Variants in SHTN1 observed in about 807,000 individuals in gnomAD.
SHTN1 encodes the protein shootin 1, also known as shootin-1.
In SHTN1, 42 loss-of-function variants were observed where a neutral mutation model predicts 83.1. The observed-to-expected ratio is 0.51, with a 90% confidence interval of 0.39 to 0.65. The LOEUF (loss-of-function observed/expected upper bound fraction) is 0.65. Among genes scored for constraint, SHTN1 ranks in the 30% least tolerant of loss-of-function variants. The probability of loss-of-function intolerance (pLI) is 0.00; values close to 1 mark genes in which losing one functional copy is unlikely to be tolerated. For missense variants in SHTN1, 622 were observed against 737.8 expected, an observed-to-expected ratio of 0.84 and a Z score of 1.82; for synonymous variants, 224 against 247.7, an observed-to-expected ratio of 0.90 and a Z score of 0.90.
At chr10:116,946,457 G>A (rs1849582559) in intron 7 of SHTN1, among the ~76,000 whole-genome samples, 1 of 140,224 alleles carries the variant, frequency 7.1e-6, no homozygotes, top group African/African-American at 2.6e-5. Flanking sequence ...TTATGTATAT[G>A]TATATACATA....
At chr10:117,118,233 A>C (rs1758257143) in intron 1 of SHTN1, among the ~76,000 whole-genome samples, 1 of 152,112 alleles carries the variant, frequency 6.6e-6, no homozygotes, top group African/African-American at 2.4e-5. Context: ...CAATTAAAAA[A>C]GGGCAAAAGA....
At chr10:116,929,386 A>T (rs544064855) in intron 10 of SHTN1, among the ~76,000 whole-genome samples, 1 of 152,342 alleles carries the variant, frequency 6.6e-6, no homozygotes, top group East Asian at 1.9e-4. Flanking sequence ...TGTTAGGTAC[A>T]ATATAGAAAG....
At position 116,927,910 on chromosome 10, in the gene SHTN1, T is replaced by C; in HGVS notation, c.1013-19A>G. ...TCATCAACTGCACAGAGAGCAAACA[T>C]TCAGAAGAGAGCTGAAATAAGCAAC... On this transcript the variant is annotated intron_variant, in intron 10 of 16. Transcript: ENST00000355371. 2 of 1,611,804 alleles carry C rather than the reference T, an allele frequency of 1.2e-6. No individual in the cohort carries two copies. Among genetic ancestry groups the C allele is most frequent in the Non-Finnish European group, 8.5e-7 (1 of 1,178,980 alleles).
chr10:117,021,546 T>C (rs549370352), intron 2 of SHTN1, among the ~76,000 whole-genome samples: 1 of 152,358 alleles, frequency 6.6e-6, no homozygotes, highest in Non-Finnish European at 1.5e-5. Flanking sequence ...TATAAGTGTA[T>C]AATTCACTTT....
chr10:117,001,110 A>G (rs1466281738), intron 1 of SHTN1, among the ~76,000 whole-genome samples: 1 of 152,062 alleles, frequency 6.6e-6, no homozygotes, highest in Middle Eastern at 3.2e-3. Context: ...CGGAAATAGT[A>G]TCCAAAGTTG....
At chr10:117,004,957 C>A (rs1851959676) in intron 1 of SHTN1, 65 bp downstream of exon 1, 3 of 1,456,308 alleles carry the variant, frequency 2.1e-6, no homozygotes, top group Admixed American at 2.0e-5. Context: ...CTGGCCCCAG[C>A]GCCCTGGGGC....
rs1307164219 is a variant in SHTN1 at position 116,882,999 on chromosome 10, CAT to C, written c.*3343_*3344del. On this transcript the variant is annotated 3_prime_UTR_variant, in exon 17 of 17. Coordinates refer to ENST00000355371, the MANE Select transcript of SHTN1 (RefSeq NM_001127211.3). ...ACACACACACACACACACACACACA[CAT>C]CATGAGACTATGCCCTGGAACAGTG... 62 of 151,830 alleles carry C rather than the reference CAT, an allele frequency of 4.1e-4. 2 individuals carry two copies. Among genetic ancestry groups the C allele is most frequent in the Admixed American group, 2.4e-3 (37 of 15,270 alleles). 9.4% of individuals were successfully genotyped at this position (151,830 alleles called of 1,614,324 possible).
chr10:117,011,049 CAG>C (rs1446382869), intron 2 of SHTN1, among the ~76,000 whole-genome samples: 7 of 152,122 alleles, frequency 4.6e-5, no homozygotes, highest in Admixed American at 4.6e-4. Context: ...TGCTATTCAA[CAG>C]TGTGCTGCAA....
chr10:117,085,252 C>G (rs1853333758), intron 1 of SHTN1, among the ~76,000 whole-genome samples: 1 of 152,138 alleles, frequency 6.6e-6, no homozygotes, highest in South Asian at 2.1e-4. Flanking sequence ...TTTGGACCTT[C>G]CTTCTTTTCT....
intron 7 of SHTN1, 49 bp downstream of exon 7, chr10:116,948,867 C>G: frequency 7.6e-7 from 1 of 1,307,708 alleles, no homozygotes; most frequent in Non-Finnish European, 1.0e-6. Context: ...TATATGCAAA[C>G]AGAACACACC....
chr10:116,991,412 T>C (rs1851431093), intron 1 of SHTN1, among the ~76,000 whole-genome samples: 2 of 152,154 alleles, frequency 1.3e-5, no homozygotes, highest in South Asian at 4.1e-4. Context: ...CACCAGCATC[T>C]GTTTGTGTTG....
At chr10:117,114,486 C>T (rs1248261384) in intron 1 of SHTN1, among the ~76,000 whole-genome samples, 1 of 152,092 alleles carries the variant, frequency 6.6e-6, no homozygotes, top group African/African-American at 2.4e-5. Context: ...ATATTAAAGC[C>T]ACTCCTGGAT....
intron 1 of SHTN1, among the ~76,000 whole-genome samples, chr10:117,097,028 T>TACACACACAC (rs1472242175): frequency 2.0e-5 from 2 of 98,466 alleles, no homozygotes; most frequent in South Asian, 3.8e-4. Context: ...CACACACACA[T>TACACACACAC]AGACACACAC....
At chr10:117,079,470 T>TA (rs1235950745) in intron 1 of SHTN1, among the ~76,000 whole-genome samples, 1 of 96,994 alleles carries the variant, frequency 1.0e-5, no homozygotes, top group Non-Finnish European at 2.0e-5. Context: ...AAGTCTTTGC[T>TA]ATTGTGAATA....
In SHTN1 at chr10:117,089,364, T is replaced by A. The variant is rs929612683; in HGVS notation, c.-189+36943A>T. On this transcript the variant is annotated intron_variant, in intron 1 of 17. Transcript: ENST00000392901. ...AGTCTAGAAGTGGGGAAAGGCAGGA[T>A]AATACTTCAGGAACTTTGTACTCTC... Among the ~76,000 whole-genome samples the A allele has an allele frequency of 5.3e-5, 8 of 152,150 alleles. No individual in the cohort carries two copies. The East Asian group carries it at 1.2e-3, about 22-fold the overall frequency.
At chr10:116,958,176 C>A (rs1850051886) in intron 4 of SHTN1, among the ~76,000 whole-genome samples, 1 of 151,906 alleles carries the variant, frequency 6.6e-6, no homozygotes, top group Non-Finnish European at 1.5e-5. Context: ...AAACTTTGCT[C>A]TCAGGAAAAA....
intron 2 of SHTN1, among the ~76,000 whole-genome samples, chr10:117,024,040 T>A (rs916037437): frequency 5.9e-5 from 9 of 152,116 alleles, no homozygotes; most frequent in African/African-American, 2.2e-4. Context: ...CTAGCATGCA[T>A]TATTAGACCA....
chr10:116,991,134 C>T (rs1042123949), intron 1 of SHTN1, among the ~76,000 whole-genome samples: 7 of 151,494 alleles, frequency 4.6e-5, no homozygotes, highest in Middle Eastern at 3.5e-3. Flanking sequence ...TGCAGTGAGC[C>T]GAGATTATGC....
chr10:117,038,704 G>C (rs1852538311), intron 2 of SHTN1, among the ~76,000 whole-genome samples: 1 of 151,932 alleles, frequency 6.6e-6, no homozygotes, highest in African/African-American at 2.4e-5. Context: ...AACCAAAGAA[G>C]ATATTTAGAT....
Sources: gnomAD v4.1 joint callset for allele counts (sites outside exome capture counted in the v4.1 genomes callset) on GRCh38, gnomAD v4.1.1 for gene constraint, MANE v1.5 for transcripts, NCBI Gene and HGNC (gene_info 2026-07-23, HGNC 2026-07-21) for gene names.